Variants in TRPM6 observed in about 807,000 individuals in gnomAD.
The protein encoded by TRPM6 is channel kinase 2.
Under a neutral mutation model 247.6 loss-of-function variants are expected in TRPM6, and 111 were observed. That is an observed-to-expected ratio of 0.45 (90% CI 0.38 to 0.52). The LOEUF (loss-of-function observed/expected upper bound fraction) is 0.52. Ranked by LOEUF, TRPM6 falls within the 20% of genes least tolerant of loss-of-function variation. The pLI, the probability that TRPM6 is intolerant of heterozygous loss-of-function variation, is 0.00. For missense variants in TRPM6, 2,126 were observed against 2,421.5 expected (o/e 0.88, Z 2.56); for synonymous variants, 892 against 853.8 (o/e 1.04, Z -0.78).
chr9:74,818,016 T>G (rs1187064965), intron 9 of TRPM6, among the ~76,000 whole-genome samples: 3 of 152,196 alleles, frequency 2.0e-5, no homozygotes, highest in Non-Finnish European at 4.4e-5. Flanking sequence ...CATTGTTTCC[T>G]TTCACCTGAC....
intron 5 of TRPM6, among the ~76,000 whole-genome samples, chr9:74,836,080 G>T (rs1052263222): frequency 6.6e-6 from 1 of 152,126 alleles, no homozygotes; most frequent in Middle Eastern, 3.2e-3. Context: ...TATCCACCAT[G>T]TTAGTATCAC....
Position 74,724,573 on chromosome 9 carries a change from C to T in TRPM6, c.*40G>A, listed in dbSNP as rs369545058. ...ATCTATGTTATCACAGAGTTCCTGG[C>T]AGGCAGGGCAAGCACTGGGATCTTC... is the stretch of plus-strand genomic sequence containing the variant. On this transcript the variant is annotated 3_prime_UTR_variant, in exon 39 of 39. Transcript: ENST00000360774. 6 of 1,613,772 alleles carry T rather than the reference C, an allele frequency of 3.7e-6. No individual in the cohort carries two copies. The highest frequency in any genetic ancestry group is 5.1e-6 in the Non-Finnish European group (6 of 1,179,904).
At chr9:74,749,862 A>C (rs1364782806) in intron 30 of TRPM6, among the ~76,000 whole-genome samples, 1 of 152,180 alleles carries the variant, frequency 6.6e-6, no homozygotes, top group South Asian at 2.1e-4. Flanking sequence ...CCCTAGAGAA[A>C]GACCATCTCT....
chr9:74,827,857 C>T lies in TRPM6; in HGVS notation c.762G>A (p.Gly254=). 7 of 1,614,100 alleles carry T rather than the reference C, an allele frequency of 4.3e-6. No homozygotes were observed. The highest frequency in any genetic ancestry group is 5.9e-6 in the Non-Finnish European group (7 of 1,180,018). ...TTTCATTTCCATACTTGCCCACGGT[C>T]CCATCATCAGACAGGATGAAGTGCG... ...MHSHFILSDD[G]TVGKYGNEMK... Residue 254 remains glycine, a synonymous_variant, in exon 7 of 39, where the codon GGG becomes GGA. Transcript: ENST00000360774.
intron 5 of TRPM6, among the ~76,000 whole-genome samples, chr9:74,836,245 TTGATC>T (rs1227549599): frequency 6.6e-6 from 1 of 152,208 alleles, no homozygotes; most frequent in Non-Finnish European, 1.5e-5. Flanking sequence ...TGAGATTGGC[TTGATC>T]TGACCTTTAA....
In TRPM6 at chr9:74,841,687, T is replaced by C. The variant is rs929090351; in HGVS notation, c.330+479A>G. Among the ~76,000 whole-genome samples the C allele has an allele frequency of 3.9e-5, 6 of 152,222 alleles. No individual in the cohort carries two copies. The East Asian group carries it at 1.2e-3, about 30-fold the overall frequency. On this transcript the variant is annotated intron_variant, in intron 4 of 38. Coordinates refer to ENST00000360774, the MANE Select transcript of TRPM6 (RefSeq NM_017662.5). ...ACCAGCTAAATTTTGTATTTTTTAGTAGAGATGGGTTTTCGCCATGTTGGC... is the reference window on the plus strand; with the variant it reads ...ACCAGCTAAATTTTGTATTTTTTAGCAGAGATGGGTTTTCGCCATGTTGGC...
intron 21 of TRPM6, among the ~76,000 whole-genome samples, chr9:74,784,264 G>GAA (rs561088762): frequency 6.1e-5 from 5 of 81,772 alleles, no homozygotes; most frequent in South Asian, 3.7e-4. Flanking sequence ...CTCCATCTCA[G>GAA]AAAAAAAAAA....
At chr9:74,808,288 AT>A (rs1828604940) in intron 13 of TRPM6, 114 bp from the exon 14 acceptor site, 1 of 1,299,374 alleles carries the variant, frequency 7.7e-7, no homozygotes, top group East Asian at 2.4e-5. Context: ...TACCTTTTAA[AT>A]ATCTTTACAA....
intron 7 of TRPM6, among the ~76,000 whole-genome samples, chr9:74,826,305 C>G (rs1317399091): frequency 6.6e-6 from 1 of 152,246 alleles, no homozygotes; most frequent in East Asian, 1.9e-4. Context: ...GCGCTTCAAT[C>G]TGTCTGACCT....
chr9:74,808,253 C>T (rs1046112755), intron 13 of TRPM6, 79 bp from the exon 14 acceptor site: 4 of 1,567,816 alleles, frequency 2.6e-6, no homozygotes, highest in African/African-American at 2.7e-5. Flanking sequence ...AGAACATAAT[C>T]AAATTAATTG....
intron 3 of TRPM6, among the ~76,000 whole-genome samples, chr9:74,853,201 G>GC (rs1830409727): frequency 6.6e-6 from 1 of 151,590 alleles, no homozygotes; most frequent in Non-Finnish European, 1.5e-5. Flanking sequence ...GAAGTGAGAA[G>GC]CCCCTCCGCC....
In TRPM6 at chr9:74,722,795, T is replaced by G. The variant is rs1042817019; in HGVS notation, c.*1818A>C. 6 of 152,202 alleles carry G rather than the reference T, an allele frequency of 3.9e-5. No homozygotes were observed. The highest frequency in any genetic ancestry group is 8.8e-5 in the Non-Finnish European group (6 of 68,030). The allele number at this position is 152,202 out of a possible 1,614,324, so 9.4% of individuals were successfully genotyped here. A position where few individuals can be genotyped will look rare whatever the true frequency, so the allele number is the denominator to read the frequency against. The stretch of plus-strand genomic sequence containing the variant: ...TAAAAGGGGAATAAATTAGCCCTTG[T>G]GGAACTCAAACTTACAAGAATCAGA... On this transcript the variant is annotated 3_prime_UTR_variant, in exon 39 of 39. Transcript: ENST00000360774.
Position 74,842,330 on chromosome 9 carries a change from G to C in TRPM6, c.166C>G (p.Arg56Gly), listed in dbSNP as rs121912624. Reference protein sequence around the residue: ...CQNLIRCYCGRLIGDHAGIDY... With the variant: ...CQNLIRCYCGGLIGDHAGIDY... ...ATCCCAGCATGGTCTCCAATCAGTC[G>C]GCCACAGTAACACCTTAAATTCAAG... Residue 56 changes from arginine to glycine, a missense_variant, in exon 4 of 39, where the codon CGA (arginine) becomes GGA (glycine). Arg to Gly is a moderately radical substitution (Grantham distance 125). Transcript: ENST00000360774. The C allele has an allele frequency of 1.2e-6, 2 of 1,613,750 alleles. No homozygotes were observed. The highest frequency in any genetic ancestry group is 1.3e-5 in the African/African-American group (1 of 74,812).
At chr9:74,760,659 A>G (rs1826594209) in intron 27 of TRPM6, among the ~76,000 whole-genome samples, 1 of 152,224 alleles carries the variant, frequency 6.6e-6, no homozygotes, top group Admixed American at 6.5e-5. Context: ...ATTCATTAAT[A>G]TGGCTAAAAT....
intron 18 of TRPM6, among the ~76,000 whole-genome samples, chr9:74,794,471 G>A (rs989303673): frequency 3.3e-5 from 5 of 152,108 alleles, no homozygotes; most frequent in Non-Finnish European, 7.4e-5. Context: ...ACTTAGAAAT[G>A]TAGGAATTGG....
chr9:74,856,650 C>T (rs971745306), intron 2 of TRPM6, among the ~76,000 whole-genome samples: 7 of 152,094 alleles, frequency 4.6e-5, no homozygotes, highest in African/African-American at 1.7e-4. Context: ...TTTCCTTCAA[C>T]AGTAAATTGA....
intron 34 of TRPM6, 52 bp from the exon 35 acceptor site, chr9:74,739,501 T>C (rs754873121): frequency 1.3e-6 from 2 of 1,578,388 alleles, no homozygotes; most frequent in Non-Finnish European, 1.7e-6. Flanking sequence ...TGTACAGCTA[T>C]GATCATGAAA....
chr9:74,794,038 A>AGACAC (rs1423197056), intron 18 of TRPM6, among the ~76,000 whole-genome samples: 3 of 152,222 alleles, frequency 2.0e-5, no homozygotes, highest in African/African-American at 7.2e-5. Context: ...AGACAAGACA[A>AGACAC]GACAAGAAAA....
chr9:74,836,618 G>A (rs964270394), intron 5 of TRPM6, among the ~76,000 whole-genome samples: 1 of 152,140 alleles, frequency 6.6e-6, no homozygotes, highest in Non-Finnish European at 1.5e-5. Context: ...GAGACTCTCC[G>A]TAAAACCCAA....
Sources: allele counts gnomAD v4.1 joint callset (sites outside exome capture counted in the v4.1 genomes callset), GRCh38; gene constraint gnomAD v4.1.1; transcripts MANE v1.5; gene names NCBI Gene and HGNC (gene_info 2026-07-23, HGNC 2026-07-21).